Variants in MYRIP observed in about 807,000 individuals in gnomAD.
The protein encoded by MYRIP is myosin VIIA and Rab interacting protein.
A neutral mutation model predicts 98.0 loss-of-function variants in MYRIP; 49 were observed. That is an observed-to-expected ratio of 0.50 (90% CI 0.40 to 0.63). The LOEUF (loss-of-function observed/expected upper bound fraction) is 0.63, where lower values mean the gene tolerates loss of function less well. MYRIP is among the 30% of genes least tolerant of loss of function. The probability of loss-of-function intolerance (pLI) is 0.00; values close to 1 mark genes in which losing one functional copy is unlikely to be tolerated. For missense variants in MYRIP, 1,004 were observed against 1,058.2 expected, an observed-to-expected ratio of 0.95 and a Z score of 0.71; for synonymous variants, 404 against 409.5, an observed-to-expected ratio of 0.99 and a Z score of 0.16.
chr3:39,940,164 T>G (rs1944752744), intron 2 of MYRIP, among the ~76,000 whole-genome samples: 1 of 152,108 alleles, frequency 6.6e-6, no homozygotes, highest in African/African-American at 2.4e-5. Flanking sequence ...TAAATCTGCA[T>G]GGAAATACAC....
Position 40,250,341 on chromosome 3 carries a change from T to A in MYRIP, c.2367+15T>A. Reference sequence around the variant, plus strand: ...AAAGGACCCAGGTGTGTTTGTCCCTTTCTCCCTCTGTTGGAATGTTACATG... The same window carrying A: ...AAAGGACCCAGGTGTGTTTGTCCCTATCTCCCTCTGTTGGAATGTTACATG... On this transcript the variant is annotated intron_variant, in intron 14 of 16. Transcript: ENST00000302541. The A allele has an allele frequency of 6.2e-7, 1 of 1,613,360 alleles. No individual in the cohort carries two copies. The highest frequency in any genetic ancestry group is 8.5e-7 in the Non-Finnish European group (1 of 1,179,358).
rs546116671 is a variant in MYRIP, at chr3:40,026,780, G to A, written c.111-17270G>A. ...TGACCCCCATGCAGCCAAATCCAGT[G>A]GATATATCACTGTCCTCACAGCAAA... On this transcript the variant is annotated intron_variant, in intron 2 of 16. Coordinates refer to ENST00000302541, the MANE Select transcript of MYRIP (RefSeq NM_015460.4). 1.4e-3 allele frequency among the ~76,000 whole-genome samples: 211 copies of A among 152,192 alleles called. 1 individual carries two copies. Among genetic ancestry groups the A allele is most frequent in the African/African-American group, 4.7e-3 (197 of 41,512 alleles).
intron 1 of MYRIP, among the ~76,000 whole-genome samples, chr3:39,845,535 G>T (rs1941938016): frequency 6.6e-6 from 1 of 151,994 alleles, no homozygotes; most frequent in Non-Finnish European, 1.5e-5. Flanking sequence ...TGAGCATTAG[G>T]CACTTTTTGG....
intron 1 of MYRIP, among the ~76,000 whole-genome samples, chr3:39,842,757 C>G (rs998313720): frequency 2.6e-5 from 4 of 152,148 alleles, no homozygotes; most frequent in African/African-American, 7.2e-5. Context: ...GTGATTACCC[C>G]CCCTGCTTCT....
At chr3:40,029,181 C>G (rs913895788) in intron 2 of MYRIP, among the ~76,000 whole-genome samples, 10 of 152,112 alleles carry the variant, frequency 6.6e-5, no homozygotes, top group African/African-American at 2.4e-4. Context: ...TCAGAGCTGT[C>G]AATGACTTAG....
chr3:39,947,091 T>G (rs1455134385), intron 2 of MYRIP, among the ~76,000 whole-genome samples: 1 of 152,106 alleles, frequency 6.6e-6, no homozygotes, highest in Non-Finnish European at 1.5e-5. Context: ...AATATAACAG[T>G]TTTAATACTA....
chr3:39,932,259 T>C (rs573730323), intron 2 of MYRIP, among the ~76,000 whole-genome samples: 5 of 152,328 alleles, frequency 3.3e-5, no homozygotes, highest in African/African-American at 1.2e-4. Flanking sequence ...ATAAGGAGGC[T>C]TGCACTAATG....
chr3:40,160,704 T>A (rs1950370405), intron 4 of MYRIP, among the ~76,000 whole-genome samples: 1 of 152,160 alleles, frequency 6.6e-6, no homozygotes, highest in Non-Finnish European at 1.5e-5. Context: ...TAGTGCGCCA[T>A]TTTTTAAGCC....
chr3:40,058,982 G>A (rs944424998), intron 3 of MYRIP, among the ~76,000 whole-genome samples: 7 of 139,254 alleles, frequency 5.0e-5, no homozygotes, highest in African/African-American at 1.9e-4. Context: ...CCCTCCCTGT[G>A]TCCATGTGTT....
At chr3:40,136,390 C>T (rs1420604171) in intron 3 of MYRIP, among the ~76,000 whole-genome samples, 4 of 152,182 alleles carry the variant, frequency 2.6e-5, no homozygotes, top group Non-Finnish European at 1.5e-5. Flanking sequence ...AAAGCAAGGC[C>T]TTAGAAACCT....
At chr3:40,094,399 G>A (rs1194089982) in intron 3 of MYRIP, among the ~76,000 whole-genome samples, 5 of 152,178 alleles carry the variant, frequency 3.3e-5, no homozygotes, top group African/African-American at 1.2e-4. Flanking sequence ...TTACACCATG[G>A]CACCTCCACG....
At chr3:39,828,852 C>T (rs894258905) in intron 1 of MYRIP, among the ~76,000 whole-genome samples, 4 of 152,140 alleles carry the variant, frequency 2.6e-5, no homozygotes, top group African/African-American at 9.7e-5. Context: ...ATATATATAT[C>T]AGAGTTTCTT....
intron 2 of MYRIP, among the ~76,000 whole-genome samples, chr3:39,951,655 GT>G (rs946060706): frequency 2.0e-5 from 3 of 151,652 alleles, no homozygotes; most frequent in East Asian, 1.9e-4. Context: ...TTATTCTTTT[GT>G]TTTTTTTCCA....
intron 1 of MYRIP, among the ~76,000 whole-genome samples, chr3:39,819,348 T>TAA (rs572750539): frequency 1.4e-5 from 2 of 146,168 alleles, no homozygotes; most frequent in Non-Finnish European, 3.0e-5. Context: ...AACTCCATCT[T>TAA]AAAAAAAAAA....
rs768232920 is a variant in MYRIP, at chr3:40,190,190, A to G, written c.1392A>G (p.Arg464=). ...AGACCTCCTCCGCAGGCTCTTCCCG[A>G]GAAGTTGGGCACCAGGCCAGACTGT... ...DSETSSAGSS[R]EVGHQARLSW... is the part of the protein sequence containing the mutation. Residue 464 remains arginine, a synonymous_variant, in exon 10 of 17, where the codon CGA becomes CGG. Transcript: ENST00000302541. 1.2e-4 allele frequency: 187 copies of G among 1,613,988 alleles called. No homozygotes were observed. In the South Asian group the frequency reaches 1.9e-3, roughly 17 times the overall value.
chr3:39,980,226 G>C (rs752509819), intron 2 of MYRIP, among the ~76,000 whole-genome samples: 1 of 152,182 alleles, frequency 6.6e-6, no homozygotes, highest in African/African-American at 2.4e-5. Context: ...TGGAGCTTCC[G>C]CCTGACCCCA....
intron 1 of MYRIP, among the ~76,000 whole-genome samples, chr3:39,889,698 A>T (rs1231289053): frequency 6.6e-6 from 1 of 151,790 alleles, no homozygotes; most frequent in Non-Finnish European, 1.5e-5. Context: ...AAAAAAGACA[A>T]TTTTTTCCTC....
At chr3:40,006,324 G>A (rs1029337396) in intron 2 of MYRIP, among the ~76,000 whole-genome samples, 2 of 152,166 alleles carry the variant, frequency 1.3e-5, no homozygotes, top group Non-Finnish European at 2.9e-5. Context: ...TTGTGGCAGA[G>A]CTTGCAGTAA....
At chr3:39,845,555 G>C (rs182831482) in intron 1 of MYRIP, among the ~76,000 whole-genome samples, 1 of 152,184 alleles carries the variant, frequency 6.6e-6, no homozygotes, top group Non-Finnish European at 1.5e-5. Flanking sequence ...GGCACTTTGC[G>C]TATCTTATTT....
Sources: allele counts gnomAD v4.1 joint callset (sites outside exome capture counted in the v4.1 genomes callset), GRCh38; gene constraint gnomAD v4.1.1; transcripts MANE v1.5; gene names NCBI Gene and HGNC (gene_info 2026-07-23, HGNC 2026-07-21).